NFIA: variants seen among roughly 807,000 people sequenced by gnomAD.
The protein encoded by NFIA is nuclear factor 1 A-type.
Under a neutral mutation model 62.8 loss-of-function variants are expected in NFIA, and 8 were observed. The observed-to-expected ratio is 0.13, with a 90% confidence interval of 0.07 to 0.23. The LOEUF (loss-of-function observed/expected upper bound fraction) is 0.23, where lower values mean the gene tolerates loss of function less well. Ranked by LOEUF, NFIA falls within the 10% of genes least tolerant of loss-of-function variation. NFIA has a pLI of 1.00. For missense variants in NFIA, 410 were observed against 642.1 expected (o/e 0.64, Z 3.91); for synonymous variants, 235 against 238.1 (o/e 0.99, Z 0.12).
intron 2 of NFIA, among the ~76,000 whole-genome samples, chr1:61,200,010 G>GTGTA (rs1264243831): frequency 1.9e-5 from 1 of 52,828 alleles, no homozygotes; most frequent in Non-Finnish European, 3.9e-5. Context: ...ATATATATAT[G>GTGTA]TATATATATA....
intron 2 of NFIA, among the ~76,000 whole-genome samples, chr1:61,106,752 A>G (rs1361878811): frequency 6.6e-6 from 1 of 151,638 alleles, no homozygotes; most frequent in Non-Finnish European, 1.5e-5. Context: ...AAAGATAACA[A>G]CCAATACCTT....
chr1:61,271,321 T>C (rs559590173), intron 2 of NFIA, among the ~76,000 whole-genome samples: 54 of 152,270 alleles, frequency 3.5e-4, no homozygotes, highest in Non-Finnish European at 6.2e-4. Context: ...ACTTAAACAG[T>C]CTTATCATCG....
intron 3 of NFIA, among the ~76,000 whole-genome samples, chr1:61,311,949 T>A (rs1326457501): frequency 6.6e-6 from 1 of 152,192 alleles, no homozygotes; most frequent in Non-Finnish European, 1.5e-5. Flanking sequence ...ACCTTTGCAG[T>A]CATAGGCTCC....
chr1:61,107,219 G>GTT (rs1014497289), intron 2 of NFIA, among the ~76,000 whole-genome samples: 2 of 143,810 alleles, frequency 1.4e-5, no homozygotes. Flanking sequence ...TAAATGTTAA[G>GTT]TTTTTTTTTT....
intron 10 of NFIA, among the ~76,000 whole-genome samples, chr1:61,447,119 C>T (rs1183731129): frequency 6.6e-6 from 1 of 151,872 alleles, no homozygotes; most frequent in African/African-American, 2.4e-5. Flanking sequence ...CCTCAACTCT[C>T]CCCCTGCCAA....
intron 2 of NFIA, among the ~76,000 whole-genome samples, chr1:61,155,659 G>A (rs1465831628): frequency 2.6e-5 from 3 of 116,870 alleles, no homozygotes; most frequent in South Asian, 6.1e-4. Context: ...CGGCCTGGGC[G>A]ACAGAGCGAG....
intron 3 of NFIA, among the ~76,000 whole-genome samples, chr1:61,298,866 G>A (rs772269080): frequency 2.0e-5 from 3 of 152,070 alleles, no homozygotes; most frequent in Non-Finnish European, 4.4e-5. Context: ...CTTACAACAC[G>A]CTGGGAGAAA....
chr1:61,306,395 C>T (rs948443069), intron 3 of NFIA, among the ~76,000 whole-genome samples: 1 of 149,086 alleles, frequency 6.7e-6, no homozygotes, highest in Admixed American at 6.9e-5. Context: ...TGTGCCTCAG[C>T]CTCCCAAGTA....
At chr1:61,267,936 G>A (rs554753108) in intron 2 of NFIA, among the ~76,000 whole-genome samples, 2 of 152,258 alleles carry the variant, frequency 1.3e-5, no homozygotes, top group African/African-American at 2.4e-5. Flanking sequence ...ATGAATGAAC[G>A]AGATGGATAG....
chr1:61,188,193 C>T (rs908267956), intron 2 of NFIA, among the ~76,000 whole-genome samples: 11 of 151,958 alleles, frequency 7.2e-5, no homozygotes, highest in African/African-American at 2.4e-4. Context: ...ACCACAGGTG[C>T]GCGCCCCCAC....
intron 2 of NFIA, among the ~76,000 whole-genome samples, chr1:61,156,366 G>A (rs1381405444): frequency 1.3e-5 from 2 of 152,130 alleles, no homozygotes; most frequent in Admixed American, 1.3e-4. Context: ...CTTCTTGTGG[G>A]ACTTGTATGT....
chr1:61,285,544 CT>C (rs1465251765), intron 3 of NFIA, among the ~76,000 whole-genome samples: 1 of 152,110 alleles, frequency 6.6e-6, no homozygotes, highest in Non-Finnish European at 1.5e-5. Context: ...TTTTTGGCAC[CT>C]TTTCTCCCTG....
chr1:61,275,642 A>G (rs189367990), intron 2 of NFIA, among the ~76,000 whole-genome samples: 257 of 152,290 alleles, frequency 1.7e-3, no homozygotes, highest in Non-Finnish European at 2.9e-3. Context: ...TCGGGACATG[A>G]TCAAGAATTT....
chr1:61,187,764 C>T (rs1332780), intron 2 of NFIA, among the ~76,000 whole-genome samples: 18,708 of 152,142 alleles, frequency 0.12, 1,647 homozygotes, highest in East Asian at 0.28. Flanking sequence ...GACTTCAGAA[C>T]CGTATAAATG....
intron 2 of NFIA, among the ~76,000 whole-genome samples, chr1:61,200,706 T>C (rs939196357): frequency 2.0e-5 from 3 of 152,200 alleles, no homozygotes; most frequent in Admixed American, 6.5e-5. Context: ...CAGTGAATTA[T>C]CACAACCACA....
intron 10 of NFIA, among the ~76,000 whole-genome samples, chr1:61,434,158 A>G (rs760720111): frequency 2.0e-5 from 3 of 152,306 alleles, no homozygotes; most frequent in African/African-American, 7.2e-5. Flanking sequence ...AGGGGAGACA[A>G]TGTCTCTGAG....
Position 61,433,953 on chromosome 1 carries a change from G to A in NFIA, c.1512+7397G>A, listed in dbSNP as rs1049464083. 7.2e-5 allele frequency among the ~76,000 whole-genome samples: 11 copies of A among 152,254 alleles called. No homozygotes were observed. The East Asian group carries it at 1.4e-3, about 19-fold the overall frequency. On this transcript the variant is annotated intron_variant, in intron 10 of 10. Transcript: ENST00000403491. ...CAGAACCTACTTACCAAAAGCAACC[G>A]TCTAGCAAATTAGGAAGCCTCCTAC... is the stretch of plus-strand genomic sequence containing the variant.
intron 6 of NFIA, among the ~76,000 whole-genome samples, chr1:61,365,672 A>T (rs936653277): frequency 6.6e-6 from 1 of 152,180 alleles, no homozygotes; most frequent in African/African-American, 2.4e-5. Context: ...ACTAGAGTAG[A>T]TACAGAGAGG....
At chr1:61,128,205 TC>T (rs1482366546) in intron 2 of NFIA, among the ~76,000 whole-genome samples, 2 of 152,112 alleles carry the variant, frequency 1.3e-5, no homozygotes, top group African/African-American at 4.8e-5. Flanking sequence ...TGCCTCAGTC[TC>T]CCAAAGTGCT....
Sources: gnomAD v4.1 joint callset for allele counts (sites outside exome capture counted in the v4.1 genomes callset) on GRCh38, gnomAD v4.1.1 for gene constraint, MANE v1.5 for transcripts, NCBI Gene and HGNC (gene_info 2026-07-23, HGNC 2026-07-21) for gene names.